Variants in FSTL5 observed in about 807,000 individuals in gnomAD.
The protein encoded by FSTL5 is follistatin-related protein 5.
FSTL5 carries 62 observed loss-of-function variants against 89.1 expected under a neutral mutation model. The observed-to-expected ratio is 0.70, with a 90% CI of 0.57 to 0.86. The LOEUF (loss-of-function observed/expected upper bound fraction) is 0.86, where lower values mean the gene tolerates loss of function less well. Ranked by LOEUF, FSTL5 falls within the 40% of genes least tolerant of loss-of-function variation. The pLI, the probability that FSTL5 is intolerant of heterozygous loss-of-function variation, is 0.00. For synonymous variants in FSTL5, 383 were observed against 346.2 expected (o/e 1.11, Z -1.18); for missense variants, 1,057 against 1,001.6 (o/e 1.06, Z -0.75).
chr4:161,441,462 A>C (rs1364519821), intron 15 of FSTL5, among the ~76,000 whole-genome samples: 2 of 152,114 alleles, frequency 1.3e-5, no homozygotes, highest in Non-Finnish European at 2.9e-5. Flanking sequence ...TTGAGATTCC[A>C]ACTTACAAAT....
chr4:161,851,691 TATA>T (rs1731554042), intron 4 of FSTL5, among the ~76,000 whole-genome samples: 1 of 152,150 alleles, frequency 6.6e-6, no homozygotes, highest in South Asian at 2.1e-4. Flanking sequence ...CAGGAAATTT[TATA>T]ATAACTCTGA....
intron 2 of FSTL5, among the ~76,000 whole-genome samples, chr4:162,039,651 G>A (rs956499052): frequency 1.3e-5 from 2 of 151,948 alleles, no homozygotes; most frequent in Non-Finnish European, 2.9e-5. Flanking sequence ...TTCAAGCTGT[G>A]TTTAGCTTGG....
intron 7 of FSTL5, among the ~76,000 whole-genome samples, chr4:161,628,570 A>G (rs1187000483): frequency 6.6e-6 from 1 of 152,182 alleles, no homozygotes; most frequent in African/African-American, 2.4e-5. Flanking sequence ...TGATAGTCAT[A>G]TTACTTTTAA....
At chr4:161,869,155 G>A (rs1015885105) in intron 4 of FSTL5, among the ~76,000 whole-genome samples, 13 of 151,014 alleles carry the variant, frequency 8.6e-5, no homozygotes, top group South Asian at 8.4e-4. Flanking sequence ...AGCCGAGATC[G>A]CCACTGCACT....
chr4:162,111,205 C>T, intron 2 of FSTL5, 66 bp downstream of exon 2: 1 of 1,329,704 alleles, frequency 7.5e-7, no homozygotes, highest in Non-Finnish European at 1.0e-6. Context: ...AATAATAAAC[C>T]AGAAAACTAA....
At position 161,714,832 on chromosome 4, in the gene FSTL5, T is replaced by C. The variant is rs1167754891; in HGVS notation, c.727+44579A>G. ...GCTTTTAGTAGATTAATTGAGATTT[T>C]TTTCATAAAAGCCTGGGGTTATTTT... is the stretch of plus-strand genomic sequence containing the variant. On this transcript the variant is annotated intron_variant, in intron 6 of 15. Coordinates refer to ENST00000306100, the MANE Select transcript of FSTL5 (RefSeq NM_020116.5). Among the ~76,000 whole-genome samples, 4 of 152,160 alleles carry C rather than the reference T, an allele frequency of 2.6e-5. No individual in the cohort carries two copies. The East Asian group carries it at 7.7e-4, about 29-fold the overall frequency.
Position 162,111,316 on chromosome 4 carries a change from T to G in FSTL5, c.81A>C (p.Gly27=), listed in dbSNP as rs748730379. Residue 27 remains glycine (G), a synonymous_variant, in exon 2 of 16, where the codon GGA becomes GGC. Coordinates refer to ENST00000306100, the MANE Select transcript of FSTL5 (RefSeq NM_020116.5). ...GAGGCTGATAGGATTTAAGGCCATA[T>G]CCTCCTTCTTTGGTTGGCCTTCCTT... is the stretch of plus-strand genomic sequence containing the variant. ...ESEGRPTKEG[G]YGLKSYQPLM... is the part of the protein sequence containing the mutation. 1 of 1,612,060 alleles carries G rather than the reference T, an allele frequency of 6.2e-7. No individual in the cohort carries two copies. The highest frequency in any genetic ancestry group is 8.5e-7 in the Non-Finnish European group (1 of 1,178,486).
intron 4 of FSTL5, among the ~76,000 whole-genome samples, chr4:161,821,009 A>G (rs1730476954): frequency 6.7e-6 from 1 of 150,082 alleles, no homozygotes. Context: ...ATTTTTTAAG[A>G]TAGTATTTAA....
At chr4:162,071,939 T>C (rs553938746) in intron 2 of FSTL5, among the ~76,000 whole-genome samples, 182 of 151,858 alleles carry the variant, frequency 1.2e-3, no homozygotes, top group Non-Finnish European at 2.4e-3. Context: ...AATAAAAAAT[T>C]CCTTAATATT....
intron 6 of FSTL5, among the ~76,000 whole-genome samples, chr4:161,726,479 C>T (rs538352865): frequency 1.3e-5 from 2 of 152,006 alleles, no homozygotes; most frequent in South Asian, 2.1e-4. Context: ...CCGCCCACCT[C>T]GGCCTCCCAA....
intron 10 of FSTL5, among the ~76,000 whole-genome samples, chr4:161,513,197 T>C (rs1180732518): frequency 1.3e-5 from 2 of 150,616 alleles, no homozygotes; most frequent in Non-Finnish European, 2.9e-5. Context: ...ATTAACCATG[T>C]GGTCCCAAAG....
chr4:161,418,698 T>G (rs1001527802), intron 15 of FSTL5, among the ~76,000 whole-genome samples: 1 of 152,200 alleles, frequency 6.6e-6, no homozygotes, highest in African/African-American at 2.4e-5. Flanking sequence ...AAAACTGGGT[T>G]TATGTCATTA....
chr4:161,686,177 G>C (rs1307422471), intron 6 of FSTL5, among the ~76,000 whole-genome samples: 1 of 150,272 alleles, frequency 6.7e-6, no homozygotes, highest in Admixed American at 6.7e-5. Context: ...AAAAATTTTA[G>C]CATCTATGTT....
intron 3 of FSTL5, among the ~76,000 whole-genome samples, chr4:162,004,976 T>C (rs1001641565): frequency 1.3e-5 from 2 of 152,130 alleles, no homozygotes; most frequent in Non-Finnish European, 2.9e-5. Context: ...GATTGAAGTG[T>C]CAGTTATGTG....
intron 6 of FSTL5, among the ~76,000 whole-genome samples, chr4:161,681,482 C>T (rs1285197853): frequency 6.6e-6 from 1 of 152,030 alleles, no homozygotes; most frequent in African/African-American, 2.4e-5. Context: ...ATTGCATTGA[C>T]ACTGACAAAT....
chr4:162,083,980 A>C (rs1221088630), intron 2 of FSTL5, among the ~76,000 whole-genome samples: 1 of 151,982 alleles, frequency 6.6e-6, no homozygotes, highest in Admixed American at 6.6e-5. Flanking sequence ...TCATTTTATA[A>C]TTTAGACATT....
intron 7 of FSTL5, among the ~76,000 whole-genome samples, chr4:161,646,633 T>C (rs548416196): frequency 1.3e-5 from 2 of 152,260 alleles, no homozygotes; most frequent in East Asian, 1.9e-4. Context: ...AAAATTATTA[T>C]GGCAAGCTGC....
chr4:161,899,701 G>A (rs1733289420), intron 4 of FSTL5, among the ~76,000 whole-genome samples: 2 of 152,166 alleles, frequency 1.3e-5, no homozygotes, highest in Admixed American at 1.3e-4. Context: ...GGGGGAGACA[G>A]AGAAAGACAG....
rs201300569 is a variant in FSTL5 at position 161,535,479 on chromosome 4, C to T, written c.1312+2687G>A. 2.3e-4 allele frequency among the ~76,000 whole-genome samples: 35 copies of T among 152,116 alleles called. 1 individual carries two copies. In the East Asian group the frequency reaches 6.8e-3, roughly 29 times the overall value. On this transcript the variant is annotated intron_variant, in intron 10 of 15. Coordinates refer to ENST00000306100, the MANE Select transcript of FSTL5 (RefSeq NM_020116.5). ...ATGGTCAGCAAACATATGAAAAATG[C>T]TCCACGTCATCACTCTGATTTGCAT...
Sources: allele counts gnomAD v4.1 joint callset (sites outside exome capture counted in the v4.1 genomes callset), GRCh38; gene constraint gnomAD v4.1.1; transcripts MANE v1.5; gene names NCBI Gene and HGNC (gene_info 2026-07-23, HGNC 2026-07-21).